The following SLC16A12 variants were observed in gnomAD, a reference collection of about 807,000 sequenced individuals.
The protein encoded by SLC16A12 is solute carrier family 16 member 12.
Under a neutral mutation model 42.4 loss-of-function variants are expected in SLC16A12, and 17 were observed. That is an observed-to-expected ratio of 0.40 (90% confidence interval 0.27 to 0.60). The LOEUF is 0.60. SLC16A12 is among the 20% of genes least tolerant of loss of function. The pLI is 0.42. For synonymous variants in SLC16A12, 224 were observed against 229.4 expected, an observed-to-expected ratio of 0.98 and a Z score of 0.21; for missense variants, 544 against 623.0, an observed-to-expected ratio of 0.87 and a Z score of 1.35.
intron 3 of SLC16A12, among the ~76,000 whole-genome samples, chr10:89,450,670 T>C (rs1254247070): frequency 2.0e-5 from 3 of 152,162 alleles, no homozygotes; most frequent in Non-Finnish European, 4.4e-5. Context: ...GATGAGTTAA[T>C]GGGTGTAGCA....
chr10:89,508,905 C>G (rs1217740976), intron 2 of SLC16A12, among the ~76,000 whole-genome samples: 4 of 151,770 alleles, frequency 2.6e-5, no homozygotes, highest in African/African-American at 9.7e-5. Flanking sequence ...ATGTCACCAC[C>G]AATTTCTGTG....
intron 2 of SLC16A12, among the ~76,000 whole-genome samples, chr10:89,549,053 C>T (rs1002962383): frequency 3.9e-5 from 6 of 152,192 alleles, no homozygotes; most frequent in Non-Finnish European, 7.3e-5. Context: ...CTGCTAACAA[C>T]AGAAACACCA....
At chr10:89,486,664 A>AAAGAAAGAAAGAAAGAAAGG (rs1564585989) in intron 2 of SLC16A12, among the ~76,000 whole-genome samples, 7 of 94,128 alleles carry the variant, frequency 7.4e-5, no homozygotes, top group Middle Eastern at 4.6e-3. Context: ...AGAAAGAAAG[A>AAAGAAAGAAAGAAAGAAAGG]AAAGAAAGAA....
intron 2 of SLC16A12, among the ~76,000 whole-genome samples, chr10:89,516,720 A>C (rs1843257532): frequency 6.6e-6 from 1 of 152,228 alleles, no homozygotes; most frequent in Non-Finnish European, 1.5e-5. Flanking sequence ...GAAGATTGTA[A>C]GCATTCAATA....
At chr10:89,549,970 T>C (rs146180641) in intron 2 of SLC16A12, among the ~76,000 whole-genome samples, 2 of 152,314 alleles carry the variant, frequency 1.3e-5, no homozygotes, top group African/African-American at 4.8e-5. Context: ...TATGGTTTTA[T>C]TATATTGGAC....
At chr10:89,507,651 T>C (rs1401520541) in intron 2 of SLC16A12, among the ~76,000 whole-genome samples, 7 of 152,182 alleles carry the variant, frequency 4.6e-5, no homozygotes, top group Admixed American at 6.5e-5. Context: ...CCATCAACAC[T>C]ATGAAGAAAC....
At chr10:89,521,917 C>T (rs937869563) in intron 2 of SLC16A12, among the ~76,000 whole-genome samples, 4 of 152,142 alleles carry the variant, frequency 2.6e-5, no homozygotes, top group African/African-American at 7.2e-5. Flanking sequence ...TATTGTATGC[C>T]GGAAACCAGC....
At chr10:89,535,082 C>G (rs1843631278) in intron 1 of SLC16A12, among the ~76,000 whole-genome samples, 1 of 151,798 alleles carries the variant, frequency 6.6e-6, no homozygotes, top group Non-Finnish European at 1.5e-5. Flanking sequence ...AGGTGGGGGA[C>G]GGGGAGAGAT....
At chr10:89,453,068 A>G (rs1842122154) in intron 3 of SLC16A12, among the ~76,000 whole-genome samples, 1 of 152,176 alleles carries the variant, frequency 6.6e-6, no homozygotes, top group African/African-American at 2.4e-5. Flanking sequence ...TCTCTGTCAA[A>G]GGGGTATAAA....
At position 89,481,664 on chromosome 10, in the gene SLC16A12, T is replaced by TGTGAGAGA. The variant is rs559651910; in HGVS notation, c.-46-19041_-46-19040insTCTCTCAC. Among the ~76,000 whole-genome samples the TGTGAGAGA allele has an allele frequency of 7.8e-3, 1,095 of 139,506 alleles. 12 individuals are homozygous for TGTGAGAGA. Among genetic ancestry groups the TGTGAGAGA allele is most frequent in the South Asian group, 0.01 (45 of 4,436 alleles). The allele number at this position is 139,506 out of a possible 152,430, so 91.5% of individuals were successfully genotyped here. A position where few individuals can be genotyped will look rare whatever the true frequency, so the allele number is the denominator to read the frequency against. ...TTTCTTGTGTGTGTGTGTGTGTGTG[T>TGTGAGAGA]GAGAGAGAGAGAGAGTGTGTGTGTG... On this transcript the variant is annotated intron_variant, in intron 2 of 7. Coordinates refer to ENST00000371790, the MANE Select transcript of SLC16A12 (RefSeq NM_213606.4).
chr10:89,430,509 C>T lies in SLC16A12; in HGVS notation c.*2555G>A. On this transcript the variant is annotated 3_prime_UTR_variant, in exon 8 of 8. Coordinates refer to ENST00000371790, the MANE Select transcript of SLC16A12 (RefSeq NM_213606.4). ...GAAATATTTAAGATGTAAAATTATC[C>T]CACTATAATTTTGTTCTTGATTCCA... 2.5e-6 allele frequency: 1 copy of T among 402,420 alleles called. No homozygotes were observed. The allele number at this position is 402,420 out of a possible 1,614,324, so 24.9% of individuals were successfully genotyped here.
chr10:89,494,023 A>C (rs1329991659), intron 2 of SLC16A12, among the ~76,000 whole-genome samples: 2 of 152,248 alleles, frequency 1.3e-5, no homozygotes, highest in Non-Finnish European at 2.9e-5. Context: ...TATTGGCCCC[A>C]TTCCTGTTGG....
intron 2 of SLC16A12, among the ~76,000 whole-genome samples, chr10:89,480,383 G>A (rs1842645350): frequency 6.6e-6 from 1 of 152,086 alleles, no homozygotes; most frequent in South Asian, 2.1e-4. Flanking sequence ...TTTAAAGGGG[G>A]CTTTAATGAG....
intron 2 of SLC16A12, among the ~76,000 whole-genome samples, chr10:89,483,106 C>CT (rs146426494): frequency 0.062 from 9,333 of 151,190 alleles, 619 homozygotes; most frequent in African/African-American, 0.16. Flanking sequence ...AGATGGCCAC[C>CT]TTTTTTTTTG....
At chr10:89,433,856 C>CT (rs1184067760) in intron 7 of SLC16A12, among the ~76,000 whole-genome samples, 4 of 152,082 alleles carry the variant, frequency 2.6e-5, no homozygotes, top group East Asian at 1.9e-4. Context: ...TGCAAACTAG[C>CT]TTTTTTTTCT....
At chr10:89,503,553 T>A (rs1052943949) in intron 2 of SLC16A12, among the ~76,000 whole-genome samples, 3 of 152,188 alleles carry the variant, frequency 2.0e-5, no homozygotes, top group Non-Finnish European at 4.4e-5. Flanking sequence ...CGAAGTCCAG[T>A]AAGGGCATGG....
chr10:89,470,015 A>AT (rs779773963), intron 2 of SLC16A12, among the ~76,000 whole-genome samples: 7 of 152,120 alleles, frequency 4.6e-5, no homozygotes, highest in Non-Finnish European at 1.0e-4. Context: ...TATAGGTAAT[A>AT]TTTTTTAAGA....
intron 2 of SLC16A12, among the ~76,000 whole-genome samples, chr10:89,531,131 T>C (rs916824791): frequency 2.0e-5 from 3 of 151,958 alleles, no homozygotes; most frequent in Admixed American, 6.6e-5. Context: ...AAAATTACAA[T>C]AGCATCCTGG....
At chr10:89,458,544 G>C (rs1207263714) in intron 3 of SLC16A12, among the ~76,000 whole-genome samples, 4 of 152,108 alleles carry the variant, frequency 2.6e-5, no homozygotes, top group Non-Finnish European at 5.9e-5. Flanking sequence ...CAAGTGACAG[G>C]CATTCTACCA....
Sources: gnomAD v4.1 joint callset for allele counts (sites outside exome capture counted in the v4.1 genomes callset) on GRCh38, gnomAD v4.1.1 for gene constraint, MANE v1.5 for transcripts, NCBI Gene and HGNC (gene_info 2026-07-23, HGNC 2026-07-21) for gene names.